The following NOD2 variants were observed in gnomAD, a reference collection of about 807,000 sequenced individuals.
NOD2 encodes the protein nucleotide-binding oligomerization domain-containing protein 2.
Under a neutral mutation model 90.9 loss-of-function variants are expected in NOD2, and 86 were observed. The observed-to-expected ratio is 0.95, with a 90% CI of 0.79 to 1.13. The LOEUF (loss-of-function observed/expected upper bound fraction) is 1.13, where lower values mean the gene tolerates loss of function less well. Among genes scored for constraint, NOD2 ranks in the 50% most tolerant of loss-of-function variants. The probability of loss-of-function intolerance (pLI) is 0.00; values close to 1 mark genes in which losing one functional copy is unlikely to be tolerated. For missense variants in NOD2, 1,238 were observed against 1,283.8 expected, an observed-to-expected ratio of 0.96 and a Z score of 0.55; for synonymous variants, 581 against 554.6, an observed-to-expected ratio of 1.05 and a Z score of -0.67.
At chr16:50,701,032 A>G (rs568994926) in intron 2 of NOD2, among the ~76,000 whole-genome samples, 3 of 152,362 alleles carry the variant, frequency 2.0e-5, no homozygotes, top group African/African-American at 4.8e-5. Context: ...TGGAACAATC[A>G]TTAACATTCC....
At chr16:50,719,804 C>T (rs1437683199) in intron 6 of NOD2, 121 bp from the exon 7 acceptor site, 1 of 868,402 alleles carries the variant, frequency 1.2e-6, no homozygotes, top group South Asian at 1.3e-5. Flanking sequence ...CCTGATGTGG[C>T]TGCTGCCTCC....
At chr16:50,720,605 G>T (rs542964005) in intron 7 of NOD2, among the ~76,000 whole-genome samples, 118 of 152,294 alleles carry the variant, frequency 7.7e-4, no homozygotes, top group Non-Finnish European at 1.3e-3. Flanking sequence ...TCCTCTGTTT[G>T]CTAGGCACCC....
At chr16:50,695,326 G>C (rs1271947039) in intron 1 of NOD2, among the ~76,000 whole-genome samples, 1 of 152,212 alleles carries the variant, frequency 6.6e-6, no homozygotes, top group Non-Finnish European at 1.5e-5. Context: ...AGGGTTTGGG[G>C]TGCAAGAGAA....
rs537506568 is a variant in NOD2, at chr16:50,695,344, G to C, written c.-9+1682G>C. On this transcript the variant is annotated intron_variant, in intron 1 of 11. Transcript: ENST00000647318. ...GTTTGGGGTGCAAGAGAAAGGTAGA[G>C]TCAAAGATGATTCTGAGTGTTTGGC... Among the ~76,000 whole-genome samples, 19 of 152,324 alleles carry C rather than the reference G, an allele frequency of 1.2e-4. No individual in the cohort carries two copies. In the South Asian group the frequency reaches 3.9e-3, roughly 32 times the overall value.
chr16:50,730,997 A>G (rs1179536219), intron 11 of NOD2, among the ~76,000 whole-genome samples: 1 of 152,138 alleles, frequency 6.6e-6, no homozygotes, highest in Non-Finnish European at 1.5e-5. Context: ...CCAGAGGTTC[A>G]ACACCAGACC....
At chr16:50,716,467 T>G in intron 4 of NOD2, 120 bp from the exon 5 acceptor site, 1 of 995,216 alleles carries the variant, frequency 1.0e-6, no homozygotes, top group Non-Finnish European at 1.5e-6. Flanking sequence ...CTATGCAGGG[T>G]TTCCTGGAAG....
At chr16:50,721,676 A>G (rs958951083) in intron 7 of NOD2, among the ~76,000 whole-genome samples, 4 of 151,892 alleles carry the variant, frequency 2.6e-5, no homozygotes, top group African/African-American at 9.7e-5. Flanking sequence ...TATGTTTTGT[A>G]GAGACGGGGT....
At chr16:50,718,552 G>A (rs958179245) in intron 6 of NOD2, among the ~76,000 whole-genome samples, 11 of 152,214 alleles carry the variant, frequency 7.2e-5, no homozygotes, top group African/African-American at 2.7e-4. Flanking sequence ...GGATAAGCAG[G>A]GGGCAGGGAT....
chr16:50,724,857 G>T lies in NOD2; in HGVS notation c.2802-632G>T, dbSNP rs11642651. Among the ~76,000 whole-genome samples the T allele has an allele frequency of 4.6e-3, 706 of 152,290 alleles. 3 individuals carry two copies. Among genetic ancestry groups the T allele is most frequent in the Non-Finnish European group, 8.4e-3 (569 of 68,016 alleles). On this transcript the variant is annotated intron_variant, in intron 9 of 11. Transcript: ENST00000647318. ...AGGCAGCTGGATGTAGGCAGTGTAG[G>T]GTTTGTACAGTGGCTACAAGAGGCC...
At chr16:50,713,682 T>G in intron 4 of NOD2, 1 of 148,802 alleles carries the variant, frequency 6.7e-6, no homozygotes. Context: ...GGGCCTGGGG[T>G]TAGTAACAGC....
At chr16:50,719,067 C>G (rs1964925667) in intron 6 of NOD2, among the ~76,000 whole-genome samples, 1 of 152,114 alleles carries the variant, frequency 6.6e-6, no homozygotes, top group African/African-American at 2.4e-5. Flanking sequence ...ACCAAATTCA[C>G]CAGGCAGGGG....
At chr16:50,710,102 A>C (rs2033032639) in intron 3 of NOD2, 11 of 445,962 alleles carry the variant, frequency 2.5e-5, no homozygotes. Flanking sequence ...TGAGTGGTGA[A>C]GGGATTTATC....
chr16:50,699,102 A>G (rs539866518), intron 1 of NOD2, among the ~76,000 whole-genome samples: 1 of 151,946 alleles, frequency 6.6e-6, no homozygotes, highest in East Asian at 1.9e-4. Context: ...TAATTTTTGT[A>G]TTTTTAGTAG....
chr16:50,724,592 A>G (rs548962405), intron 9 of NOD2, among the ~76,000 whole-genome samples: 55 of 152,292 alleles, frequency 3.6e-4, no homozygotes, highest in African/African-American at 1.2e-3. Flanking sequence ...TTTTCTTTAT[A>G]TGGATATAGA....
At chr16:50,721,520 C>T (rs1014433160) in intron 7 of NOD2, among the ~76,000 whole-genome samples, 2 of 151,738 alleles carry the variant, frequency 1.3e-5, no homozygotes, top group Non-Finnish European at 2.9e-5. Context: ...CAGAAAGGGT[C>T]TCACTCTGTC....
intron 6 of NOD2, among the ~76,000 whole-genome samples, chr16:50,718,379 C>CG (rs1298461129): frequency 6.6e-6 from 1 of 152,174 alleles, no homozygotes; most frequent in Non-Finnish European, 1.5e-5. Flanking sequence ...ATGCGCTGGA[C>CG]GGGGGGCTGA....
rs764503364 is a variant in NOD2 at position 50,723,332 on chromosome 16, G to A, written c.2749G>A (p.Ala917Thr). The change falls in exon 9 of 12, where the codon GCC becomes ACC. Residue 917 changes from alanine (A) to threonine (T), a missense_variant. By Grantham distance (58) the Ala-to-Thr change is moderately conservative. Coordinates refer to ENST00000647318, the MANE Select transcript of NOD2 (RefSeq NM_001370466.1). ...GGGGAACAACATTGGCAGTGTGGGT[G>A]CCCAAGCCTTGGCACTGATGCTGGC... ...LVGNNIGSVG[A>T]QALALMLAKN... 6.2e-7 allele frequency: 1 copy of A among 1,613,934 alleles called. No individual in the cohort carries two copies. Among genetic ancestry groups the A allele is most frequent in the South Asian group, 1.1e-5 (1 of 91,062 alleles).
chr16:50,728,048 G>T, intron 10 of NOD2: 1 of 240,858 alleles, frequency 4.2e-6, no homozygotes, highest in South Asian at 5.3e-5. Context: ...TGTAGAATAA[G>T]AGAAGATGAC....
Position 50,712,380 on chromosome 16 carries a change from G to T in NOD2, c.2381+7G>T, listed in dbSNP as rs202111813. On this transcript the variant is annotated splice_region_variant and intron_variant, in intron 4 of 11. Coordinates refer to ENST00000647318, the MANE Select transcript of NOD2 (RefSeq NM_001370466.1). ...GTGTCTGCAAGGCTCTGTAGTGAGTGTTACTGGGCATTGCTGTTCAGGTAT... is the reference window on the plus strand; with the variant it reads ...GTGTCTGCAAGGCTCTGTAGTGAGTTTTACTGGGCATTGCTGTTCAGGTAT... 2.7e-4 allele frequency: 433 copies of T among 1,613,410 alleles called. No individual in the cohort carries two copies. The highest frequency in any genetic ancestry group is 3.2e-4 in the Non-Finnish European group (381 of 1,180,024).
Sources: gnomAD v4.1 joint callset for allele counts (sites outside exome capture counted in the v4.1 genomes callset) on GRCh38, gnomAD v4.1.1 for gene constraint, MANE v1.5 for transcripts, NCBI Gene and HGNC (gene_info 2026-07-23, HGNC 2026-07-21) for gene names.